CACUL1: variants seen among roughly 807,000 people sequenced by gnomAD.
CACUL1 encodes the protein CDK2-associated and cullin domain-containing protein 1.
CACUL1 carries 13 observed loss-of-function variants against 45.2 expected under a neutral mutation model. The observed-to-expected ratio is 0.29, with a 90% confidence interval of 0.19 to 0.46. The LOEUF is 0.46. Ranked by LOEUF, CACUL1 falls within the 20% of genes least tolerant of loss-of-function variation. CACUL1 has a pLI of 1.00. For synonymous variants in CACUL1, 197 were observed against 174.2 expected, an observed-to-expected ratio of 1.13 and a Z score of -1.03; for missense variants, 421 against 471.4, an observed-to-expected ratio of 0.89 and a Z score of 0.99.
rs549108750 is a variant in CACUL1 at position 118,700,483 on chromosome 10, C to T, written c.796+823G>A. 5.9e-5 allele frequency among the ~76,000 whole-genome samples: 9 copies of T among 151,942 alleles called. No individual in the cohort carries two copies. In the South Asian group the frequency reaches 6.2e-4, roughly 11 times the overall value. On this transcript the variant is annotated intron_variant, in intron 5 of 8. Transcript: ENST00000369151. ...CTGTAATCCCAGCACTTTGGGAGGCCGAGATGGGTGGATCACGAGGTCAAA... is the reference window on the plus strand; with the variant it reads ...CTGTAATCCCAGCACTTTGGGAGGCTGAGATGGGTGGATCACGAGGTCAAA...
At chr10:118,719,589 ATTACC>A (rs1381279948) in intron 3 of CACUL1, among the ~76,000 whole-genome samples, 1 of 152,188 alleles carries the variant, frequency 6.6e-6, no homozygotes, top group Non-Finnish European at 1.5e-5. Flanking sequence ...AGGCGGGCAG[ATTACC>A]TGAGGTCAGG....
intron 1 of CACUL1, among the ~76,000 whole-genome samples, chr10:118,737,192 A>C (rs1352649362): frequency 6.6e-6 from 1 of 151,926 alleles, no homozygotes; most frequent in Admixed American, 6.6e-5. Flanking sequence ...TTGCCAGTAC[A>C]AGAGGGCAGC....
At chr10:118,707,701 C>CA (rs879008510) in intron 3 of CACUL1, 114 bp from the exon 4 acceptor site, 58,881 of 323,686 alleles carry the variant, frequency 0.18, 1,397 homozygotes, top group Admixed American at 0.31. Context: ...TCACAATTAA[C>CA]AAAAAAAAAA....
In CACUL1 at chr10:118,678,783, G is replaced by C. The variant is rs1431206174; in HGVS notation, c.*7345C>G. On this transcript the variant is annotated 3_prime_UTR_variant, in exon 9 of 9. Coordinates refer to ENST00000369151, the MANE Select transcript of CACUL1 (RefSeq NM_153810.5). The stretch of plus-strand genomic sequence containing the variant: ...ACATTTTGAATACACTGTTAGACTT[G>C]GTTTGCAAAAACTTATTTTCCTACT... 6.6e-6 allele frequency: 1 copy of C among 151,948 alleles called. No individual in the cohort carries two copies. Among genetic ancestry groups the C allele is most frequent in the African/African-American group, 2.4e-5 (1 of 41,372 alleles). The allele number at this position is 151,948 out of a possible 1,614,324, so 9.4% of individuals were successfully genotyped here. A position where few individuals can be genotyped will look rare whatever the true frequency, so the allele number is the denominator to read the frequency against.
intron 3 of CACUL1, among the ~76,000 whole-genome samples, chr10:118,720,955 T>C (rs868309053): frequency 2.0e-5 from 3 of 152,164 alleles, no homozygotes; most frequent in African/African-American, 7.2e-5. Context: ...ACATTTTCAG[T>C]AGAACACACA....
intron 3 of CACUL1, among the ~76,000 whole-genome samples, chr10:118,710,889 C>G (rs1296700320): frequency 6.6e-6 from 1 of 152,084 alleles, no homozygotes; most frequent in Non-Finnish European, 1.5e-5. Flanking sequence ...ATTCATTTTG[C>G]CCTCTAAATT....
chr10:118,737,952 A>G (rs770218333), intron 1 of CACUL1, among the ~76,000 whole-genome samples: 5 of 152,244 alleles, frequency 3.3e-5, no homozygotes, highest in Admixed American at 6.5e-5. Context: ...ACAGAAAAGT[A>G]TCTGCTCAAC....
At chr10:118,743,555 CCT>C (rs1181097657) in intron 1 of CACUL1, among the ~76,000 whole-genome samples, 2 of 152,052 alleles carry the variant, frequency 1.3e-5, no homozygotes, top group African/African-American at 4.8e-5. Context: ...ATGGTGAAAC[CCT>C]GTCGCTACTA....
At position 118,682,053 on chromosome 10, in the gene CACUL1, A is replaced by G. The variant is rs1422438358; in HGVS notation, c.*4075T>C. 6.6e-6 allele frequency: 1 copy of G among 152,232 alleles called. No individual in the cohort carries two copies. Among genetic ancestry groups the G allele is most frequent in the Non-Finnish European group, 1.5e-5 (1 of 68,036 alleles). 9.4% of individuals were successfully genotyped at this position (152,232 alleles called of 1,614,324 possible). A position where few individuals can be genotyped will look rare whatever the true frequency, so the allele number is the denominator to read the frequency against. The stretch of plus-strand genomic sequence containing the variant: ...CGTATTGAAAACAGTAATCACAACC[A>G]AAAAGGTCCTATAAACCTGTAATAG... On this transcript the variant is annotated 3_prime_UTR_variant, in exon 9 of 9. Coordinates refer to ENST00000369151, the MANE Select transcript of CACUL1 (RefSeq NM_153810.5).
At chr10:118,698,862 C>T (rs528284957) in intron 5 of CACUL1, among the ~76,000 whole-genome samples, 3 of 152,172 alleles carry the variant, frequency 2.0e-5, no homozygotes, top group East Asian at 1.9e-4. Flanking sequence ...TCTGAAGCCA[C>T]GGGAAGGAAA....
At chr10:118,698,375 C>T (rs938977163) in intron 5 of CACUL1, among the ~76,000 whole-genome samples, 3 of 152,138 alleles carry the variant, frequency 2.0e-5, no homozygotes, top group African/African-American at 7.2e-5. Flanking sequence ...ATCTCCTGAC[C>T]TCAAGTGATC....
chr10:118,694,517 A>G lies in CACUL1; in HGVS notation c.886+624T>C, dbSNP rs186848718. On this transcript the variant is annotated intron_variant, in intron 6 of 8. Transcript: ENST00000369151. The stretch of plus-strand genomic sequence containing the variant: ...TGTAATCTCTCTCCCATGGACATTT[A>G]TAAGTTGCTAGACAACTCTATGACA... Among the ~76,000 whole-genome samples the G allele has an allele frequency of 4.1e-4, 63 of 152,126 alleles. 1 individual carries two copies. The highest frequency in any genetic ancestry group is 7.4e-5 in the Non-Finnish European group (5 of 68,026).
Position 118,690,302 on chromosome 10 carries a change from C to T in CACUL1, c.1025+963G>A, listed in dbSNP as rs1845250824. Reference sequence around the variant, plus strand: ...CGGCCTGGGCGACAGAGCGAGACTCCGTCTCAAAAAAAAAAAAAAAAAAAA... The same window carrying T: ...CGGCCTGGGCGACAGAGCGAGACTCTGTCTCAAAAAAAAAAAAAAAAAAAA... On this transcript the variant is annotated intron_variant, in intron 7 of 8. Coordinates refer to ENST00000369151, the MANE Select transcript of CACUL1 (RefSeq NM_153810.5). 4.5e-5 allele frequency among the ~76,000 whole-genome samples: 3 copies of T among 67,068 alleles called. No individual in the cohort carries two copies. In the South Asian group the frequency reaches 1.8e-3, roughly 40 times the overall value. 44.0% of individuals were successfully genotyped at this position (67,068 alleles called of 152,430 possible).
At position 118,676,485 on chromosome 10, in the gene CACUL1, A is replaced by G. The variant is rs575570147; in HGVS notation, c.*9643T>C. 2.8e-4 allele frequency: 43 copies of G among 152,374 alleles called. No homozygotes were observed. The highest frequency in any genetic ancestry group is 5.1e-4 in the Non-Finnish European group (35 of 68,032). 9.4% of individuals were successfully genotyped at this position (152,374 alleles called of 1,614,324 possible). A position where few individuals can be genotyped will look rare whatever the true frequency, so the allele number is the denominator to read the frequency against. On this transcript the variant is annotated 3_prime_UTR_variant, in exon 9 of 9. Coordinates refer to ENST00000369151, the MANE Select transcript of CACUL1 (RefSeq NM_153810.5). ...TTTGCAAAATTGGTGGATGGAACTC[A>G]AAAATATTTTCAGTAAGCACAGCCA...
At chr10:118,712,939 T>G (rs12775691) in intron 3 of CACUL1, among the ~76,000 whole-genome samples, 5,538 of 152,256 alleles carry the variant, frequency 0.036, 160 homozygotes, top group Non-Finnish European at 0.052. Flanking sequence ...CTTCAGGCCC[T>G]CCTTAGCTTG....
intron 3 of CACUL1, among the ~76,000 whole-genome samples, chr10:118,725,609 TAGTA>T (rs1204943730): frequency 6.6e-6 from 1 of 152,168 alleles, no homozygotes; most frequent in Non-Finnish European, 1.5e-5. Context: ...TGAAATATAA[TAGTA>T]AGGAGAACAC....
chr10:118,733,299 A>C (rs1273299860), intron 1 of CACUL1, among the ~76,000 whole-genome samples: 1 of 152,220 alleles, frequency 6.6e-6, no homozygotes, highest in Non-Finnish European at 1.5e-5. Flanking sequence ...CATGTGTCAC[A>C]GTAGAGAATC....
intron 1 of CACUL1, among the ~76,000 whole-genome samples, chr10:118,746,549 A>G (rs1432603555): frequency 1.3e-5 from 2 of 152,218 alleles, no homozygotes; most frequent in East Asian, 1.9e-4. Context: ...GGGTAGGCAA[A>G]TATTTCTTAG....
At chr10:118,695,325 C>T (rs1845312359) in intron 5 of CACUL1, 95 bp from the exon 6 acceptor site, 4 of 741,732 alleles carry the variant, frequency 5.4e-6, no homozygotes, top group Non-Finnish European at 9.8e-6. Context: ...GAAACATAAA[C>T]AATTGTAAGA....
Sources: allele counts gnomAD v4.1 joint callset (sites outside exome capture counted in the v4.1 genomes callset), GRCh38; gene constraint gnomAD v4.1.1; transcripts MANE v1.5; gene names NCBI Gene and HGNC (gene_info 2026-07-23, HGNC 2026-07-21).